MCM3AP: variants seen among roughly 807,000 people sequenced by gnomAD.
MCM3AP encodes germinal-center associated nuclear protein.
In MCM3AP, 126 loss-of-function variants were observed where a neutral mutation model predicts 184.1. The ratio of observed to expected loss-of-function variants is 0.68; its 90% CI spans 0.59 to 0.79. The LOEUF (loss-of-function observed/expected upper bound fraction) is 0.79, where lower values mean the gene tolerates loss of function less well. Among genes scored for constraint, MCM3AP ranks in the 30% least tolerant of loss-of-function variants. The probability of loss-of-function intolerance (pLI) is 0.00; values close to 1 mark genes in which losing one functional copy is unlikely to be tolerated. For missense variants in MCM3AP, 2,496 were observed against 2,479.2 expected, an observed-to-expected ratio of 1.01 and a Z score of -0.14; for synonymous variants, 1,002 against 979.3, an observed-to-expected ratio of 1.02 and a Z score of -0.43.
In MCM3AP at chr21:46,240,881, C is replaced by A. The variant is rs562741625; in HGVS notation, c.5563G>T (p.Ala1855Ser). 6.2e-7 allele frequency: 1 copy of A among 1,614,256 alleles called. No homozygotes were observed. Among genetic ancestry groups the A allele is most frequent in the Non-Finnish European group, 8.5e-7 (1 of 1,180,048 alleles). Reference sequence around the variant, plus strand: ...TGCGCCAAGAGCTCCTCAGCAGAAGCTCCTCGCATCAGATCCTCTGTGCTG... The same window carrying A: ...TGCGCCAAGAGCTCCTCAGCAGAAGATCCTCGCATCAGATCCTCTGTGCTG... ...IPSTEDLMRG[A>S]SAEELLAQCL... Residue 1855 changes from alanine to serine, a missense_variant, in exon 26 of 28, where the codon GCT (alanine) becomes TCT (serine). Transcript: ENST00000291688.
At chr21:46,246,519 GC>G (rs2080773125) in intron 21 of MCM3AP, 108 bp downstream of exon 21, 4 of 1,462,754 alleles carry the variant, frequency 2.7e-6, no homozygotes, top group Non-Finnish European at 2.9e-6. Flanking sequence ...CACAGGGGTT[GC>G]TGTCTCAGTG....
In MCM3AP at chr21:46,285,400, A is replaced by C. The variant is rs1283056681; in HGVS notation, c.-114T>G. The stretch of plus-strand genomic sequence containing the variant: ...CCCTTCGTCTTTAGAACAAGCTGAA[A>C]GAGAAAAATTCAGATCATCATAGCT... On this transcript the variant is annotated 5_prime_UTR_variant, in exon 1 of 28. Transcript: ENST00000291688. 1 of 715,162 alleles carries C rather than the reference A, an allele frequency of 1.4e-6. No individual in the cohort carries two copies. The highest frequency in any genetic ancestry group is 2.4e-6 in the Non-Finnish European group (1 of 417,304). 44.3% of individuals were successfully genotyped at this position (715,162 alleles called of 1,614,324 possible). A position where few individuals can be genotyped will look rare whatever the true frequency, so the allele number is the denominator to read the frequency against.
In MCM3AP at chr21:46,273,469, C is replaced by A. The variant is rs1048601895; in HGVS notation, c.2115G>T (p.Val705=). ...CCTCCTTCTGGTCCATGATCTGGGTCACCAGGTAGTCCATGGTCCTGCTGA... is the reference window on the plus strand; with the variant it reads ...CCTCCTTCTGGTCCATGATCTGGGTAACCAGGTAGTCCATGGTCCTGCTGA... ...PVLSRTMDYL[V]TQIMDQKEGS... The change falls in exon 7 of 28, where the codon GTG becomes GTT. Residue 705 remains valine, a synonymous_variant. Coordinates refer to ENST00000291688, the MANE Select transcript of MCM3AP (RefSeq NM_003906.5). The A allele has an allele frequency of 6.2e-7, 1 of 1,613,990 alleles. No homozygotes were observed. The highest frequency in any genetic ancestry group is 8.5e-7 in the Non-Finnish European group (1 of 1,179,878).
At position 46,273,568 on chromosome 21, in the gene MCM3AP, A is replaced by G. The variant is rs746408732; in HGVS notation, c.2016T>C (p.Ala672=). 1.2e-6 allele frequency: 2 copies of G among 1,613,626 alleles called. No individual in the cohort carries two copies. The highest frequency in any genetic ancestry group is 3.3e-5 in the Admixed American group (2 of 59,990). ...CCGAGGACCGACTGTACTCTTTCAC[A>G]GCTGCTGCGTGGTCCACCTAGAGAC... The part of the protein sequence containing the change: ...PGTDQVDHAA[A]VKEYSRSSAD... The change falls in exon 7 of 28, where the codon GCT becomes GCC. Residue 672 remains alanine, a synonymous_variant. Coordinates refer to ENST00000291688, the MANE Select transcript of MCM3AP (RefSeq NM_003906.5).
At position 46,278,989 on chromosome 21, in the gene MCM3AP, G is replaced by GA. The variant is rs574954242; in HGVS notation, c.1667+1003dup. Among the ~76,000 whole-genome samples the GA allele has an allele frequency of 6.6e-3, 812 of 122,732 alleles. 9 individuals are homozygous for GA. Among genetic ancestry groups the GA allele is most frequent in the African/African-American group, 0.013 (438 of 33,164 alleles). 80.5% of individuals were successfully genotyped at this position (122,732 alleles called of 152,430 possible). A position where few individuals can be genotyped will look rare whatever the true frequency, so the allele number is the denominator to read the frequency against. On this transcript the variant is annotated intron_variant, in intron 4 of 27. Transcript: ENST00000291688. Reference sequence around the variant, plus strand: ...GCCCGGCCAGGAGACAGCTCTTCAGGAAAAAAAAAAAAAAAAAAGTAATGC... The same window carrying GA: ...GCCCGGCCAGGAGACAGCTCTTCAGGAAAAAAAAAAAAAAAAAAAGTAATGC...
intron 25 of MCM3AP, 112 bp from the exon 26 acceptor site, chr21:46,241,129 C>G: frequency 1.3e-6 from 1 of 792,422 alleles, no homozygotes; most frequent in East Asian, 2.5e-5. Flanking sequence ...GAACATGTGC[C>G]TCAGACACAT....
rs767712905 is a variant in MCM3AP, at chr21:46,277,674, C to T, written c.1711G>A (p.Glu571Lys). Residue 571 changes from glutamate to lysine, a missense_variant, in exon 5 of 28, where the codon GAG (glutamate) becomes AAG (lysine). Transcript: ENST00000291688. ...GAGGCTGAGTCAAAAGAGTCTCCCT[C>T]GAATTGGTGGGCCTTTAGAAGACTT... ...KPSLLKAHQF[E>K]GDSFDSASEG... 2 of 1,604,944 alleles carry T rather than the reference C, an allele frequency of 1.2e-6. No homozygotes were observed. Among genetic ancestry groups the T allele is most frequent in the South Asian group, 1.1e-5 (1 of 89,830 alleles).
intron 20 of MCM3AP, among the ~76,000 whole-genome samples, chr21:46,248,211 C>T (rs921504755): frequency 6.6e-5 from 10 of 152,090 alleles, no homozygotes; most frequent in Non-Finnish European, 1.3e-4. Flanking sequence ...ATTGGCGGCA[C>T]CCACCACTGC....
intron 15 of MCM3AP, among the ~76,000 whole-genome samples, chr21:46,260,055 G>A (rs1028974315): frequency 1.3e-4 from 20 of 151,824 alleles, no homozygotes; most frequent in Admixed American, 3.3e-4. Context: ...CAGTGTGGGC[G>A]ACAGAGCAAG....
rs369532770 is a variant in MCM3AP at position 46,268,994 on chromosome 21, T to C, written c.2628+1407A>G. On this transcript the variant is annotated intron_variant, in intron 9 of 27. Coordinates refer to ENST00000291688, the MANE Select transcript of MCM3AP (RefSeq NM_003906.5). ...CAGAAGTTGCGGTGAGCAGAGATCA[T>C]GCCACTGCACTCCAGCCTGGGCAAC... 2.6e-5 allele frequency among the ~76,000 whole-genome samples: 4 copies of C among 152,246 alleles called. No homozygotes were observed. In the East Asian group the frequency reaches 7.7e-4, roughly 29 times the overall value.
intron 26 of MCM3AP, among the ~76,000 whole-genome samples, chr21:46,238,995 G>A (rs910241262): frequency 6.6e-6 from 1 of 152,202 alleles, no homozygotes; most frequent in African/African-American, 2.4e-5. Flanking sequence ...GTCGGAGATG[G>A]GCAAGCAGGG....
intron 11 of MCM3AP, among the ~76,000 whole-genome samples, 158 bp downstream of exon 11, chr21:46,265,767 G>A (rs2081103629): frequency 6.6e-6 from 1 of 152,196 alleles, no homozygotes; most frequent in African/African-American, 2.4e-5. Flanking sequence ...AACCATCTGA[G>A]CATGAGGAAG....
chr21:46,262,007 A>G (rs1439646311), intron 13 of MCM3AP, among the ~76,000 whole-genome samples: 1 of 152,080 alleles, frequency 6.6e-6, no homozygotes, highest in African/African-American at 2.4e-5. Flanking sequence ...GTCATCTAAA[A>G]CCCTTGTGGT....
Position 46,244,816 on chromosome 21 carries a change from G to A in MCM3AP, c.5029C>T (p.Pro1677Ser). 6.2e-7 allele frequency: 1 copy of A among 1,612,636 alleles called. No homozygotes were observed. The highest frequency in any genetic ancestry group is 8.5e-7 in the Non-Finnish European group (1 of 1,179,124). ...CAGGTCAAGCACGTACCCCCCAGGG[G>A]TGGAAGGTCCATCTGCGGAAGCTGG... ...GFQLPQMDLP[P>S]LGAPWLPVCS... is the part of the protein sequence containing the mutation. The change falls in exon 23 of 28, where the codon CCC (proline) becomes TCC (serine). Residue 1677 changes from proline to serine, a missense_variant. Coordinates refer to ENST00000291688, the MANE Select transcript of MCM3AP (RefSeq NM_003906.5).
intron 15 of MCM3AP, 73 bp downstream of exon 15, chr21:46,260,720 G>T: frequency 9.6e-7 from 1 of 1,043,754 alleles, no homozygotes; most frequent in Non-Finnish European, 1.5e-6. Flanking sequence ...CATCCTCAGT[G>T]GTGCAAGACA....
At chr21:46,244,618 A>G (rs1601489751) in intron 23 of MCM3AP, 189 bp downstream of exon 23, 1 of 642,326 alleles carries the variant, frequency 1.6e-6, no homozygotes, top group Middle Eastern at 4.3e-4. Flanking sequence ...CACAAAACCC[A>G]GCTTGTTCTG....
Position 46,270,431 on chromosome 21 carries a change from G to A in MCM3AP, c.2598C>T (p.Asn866=), listed in dbSNP as rs2081164653. The change falls in exon 9 of 28, where the codon AAC becomes AAT. Residue 866 remains asparagine, a synonymous_variant. Coordinates refer to ENST00000291688, the MANE Select transcript of MCM3AP (RefSeq NM_003906.5). ...TGAAGTAACAGTGTAAAAGACAAGC[G>A]TTCAGGTAAGAAGCTGACTGGACCA... ...FKLVQSASYL[N]ACLLHCYFSQ... 8.7e-6 allele frequency: 14 copies of A among 1,613,440 alleles called. No homozygotes were observed. The highest frequency in any genetic ancestry group is 2.2e-5 in the East Asian group (1 of 44,868).
chr21:46,267,224 G>A (rs2081124905), intron 9 of MCM3AP, 82 bp from the exon 10 acceptor site: 7 of 1,366,576 alleles, frequency 5.1e-6, no homozygotes, highest in Non-Finnish European at 2.0e-6. Context: ...CACAGCCATG[G>A]CCAGCGTGGG....
At chr21:46,259,193 C>T (rs774161770) in intron 15 of MCM3AP, 102 bp from the exon 16 acceptor site, 61 of 1,189,518 alleles carry the variant, frequency 5.1e-5, no homozygotes, top group Non-Finnish European at 6.5e-5. Context: ...CGGTGGCTCA[C>T]GCCTGTAATC....
Sources: allele counts gnomAD v4.1 joint callset (sites outside exome capture counted in the v4.1 genomes callset), GRCh38; gene constraint gnomAD v4.1.1; transcripts MANE v1.5; gene names NCBI Gene and HGNC (gene_info 2026-07-23, HGNC 2026-07-21).